The following PEX14 variants were observed in gnomAD, a reference collection of about 807,000 sequenced individuals.
The protein encoded by PEX14 is peroxisomal biogenesis factor 14, also known as peroxisomal membrane protein PEX14.
Under a neutral mutation model 49.5 loss-of-function variants are expected in PEX14, and 15 were observed. The observed-to-expected ratio is 0.30, with a 90% CI of 0.20 to 0.47. The LOEUF is 0.47. PEX14 is among the 20% of genes least tolerant of loss of function. The pLI is 1.00. For missense variants in PEX14, 398 were observed against 494.8 expected (o/e 0.80, Z 1.86); for synonymous variants, 210 against 212.7 (o/e 0.99, Z 0.11).
At chr1:10,626,263 G>T (rs1264907551) in intron 7 of PEX14, among the ~76,000 whole-genome samples, 1 of 152,184 alleles carries the variant, frequency 6.6e-6, no homozygotes, top group East Asian at 1.9e-4. Flanking sequence ...TGGAAATTGT[G>T]CCCTTGTTCA....
intron 2 of PEX14, among the ~76,000 whole-genome samples, chr1:10,505,846 A>T (rs1641773323): frequency 6.6e-6 from 1 of 151,394 alleles, no homozygotes; most frequent in Non-Finnish European, 1.5e-5. Flanking sequence ...ATGCCCAGCT[A>T]ATCTTTGTAT....
At chr1:10,490,756 C>T (rs1038871226) in intron 1 of PEX14, among the ~76,000 whole-genome samples, 2 of 145,154 alleles carry the variant, frequency 1.4e-5, no homozygotes, top group African/African-American at 5.2e-5. Flanking sequence ...GGCTGGAGTG[C>T]AGTGATGTGA....
intron 3 of PEX14, among the ~76,000 whole-genome samples, chr1:10,595,228 T>C (rs1640802634): frequency 6.6e-6 from 1 of 152,168 alleles, no homozygotes; most frequent in Non-Finnish European, 1.5e-5. Flanking sequence ...AATTGAGAGC[T>C]CTCAGTTTTG....
chr1:10,616,422 T>G (rs1641418531), intron 4 of PEX14, among the ~76,000 whole-genome samples: 2 of 152,196 alleles, frequency 1.3e-5, no homozygotes, highest in African/African-American at 4.8e-5. Flanking sequence ...GTCCTTCAGC[T>G]TCACTCGGCC....
At chr1:10,486,756 C>T (rs1443549656) in intron 1 of PEX14, among the ~76,000 whole-genome samples, 8 of 149,034 alleles carry the variant, frequency 5.4e-5, no homozygotes, top group South Asian at 2.1e-4. Context: ...GGCGCGATCT[C>T]GGCTCACTGC....
At chr1:10,560,663 G>A (rs1234349188) in intron 3 of PEX14, among the ~76,000 whole-genome samples, 2 of 150,364 alleles carry the variant, frequency 1.3e-5, no homozygotes, top group Non-Finnish European at 2.9e-5. Context: ...GAGCCACCAT[G>A]CCCAGCCTCC....
chr1:10,618,125 C>T (rs1214352170), intron 4 of PEX14, among the ~76,000 whole-genome samples: 1 of 152,192 alleles, frequency 6.6e-6, no homozygotes, highest in East Asian at 1.9e-4. Flanking sequence ...GACTGGCATC[C>T]CTTGTGTCCC....
intron 2 of PEX14, among the ~76,000 whole-genome samples, chr1:10,499,529 T>A (rs1446957366): frequency 1.2e-4 from 18 of 147,810 alleles, no homozygotes; most frequent in Non-Finnish European, 1.9e-4. Flanking sequence ...GCTCACTGCA[T>A]CCTCCACCTC....
intron 3 of PEX14, among the ~76,000 whole-genome samples, chr1:10,544,760 TTTTTTC>T (rs1639119384): frequency 1.3e-5 from 2 of 151,922 alleles, no homozygotes; most frequent in African/African-American, 4.8e-5. Context: ...TAGCCTTTTT[TTTTTTC>T]TTTTTCTTTT....
chr1:10,567,036 A>T (rs1639826176), intron 3 of PEX14, among the ~76,000 whole-genome samples: 1 of 152,218 alleles, frequency 6.6e-6, no homozygotes. Context: ...ACTCATCGCC[A>T]CTGTGGTAGC....
chr1:10,619,148 A>G (rs1641520485), intron 5 of PEX14, among the ~76,000 whole-genome samples: 1 of 152,162 alleles, frequency 6.6e-6, no homozygotes, highest in African/African-American at 2.4e-5. Flanking sequence ...AACTGCAGGC[A>G]TGACGTGAAC....
intron 3 of PEX14, among the ~76,000 whole-genome samples, chr1:10,595,208 G>A (rs1286733965): frequency 6.6e-6 from 1 of 152,206 alleles, no homozygotes; most frequent in Non-Finnish European, 1.5e-5. Context: ...CATTCAAAGA[G>A]TTTGGTTTGA....
intron 4 of PEX14, among the ~76,000 whole-genome samples, chr1:10,616,130 G>A (rs1411354398): frequency 6.6e-6 from 1 of 152,124 alleles, no homozygotes; most frequent in African/African-American, 2.4e-5. Flanking sequence ...AGGGACTCCA[G>A]GCCCCTCCAG....
chr1:10,598,283 C>T (rs1640884275), intron 3 of PEX14, among the ~76,000 whole-genome samples: 3 of 152,180 alleles, frequency 2.0e-5, no homozygotes, highest in South Asian at 2.1e-4. Context: ...GAGCTGGCCC[C>T]GTGTGACCGC....
At chr1:10,564,265 TTA>T (rs1246109120) in intron 3 of PEX14, among the ~76,000 whole-genome samples, 3 of 152,156 alleles carry the variant, frequency 2.0e-5, no homozygotes, top group Non-Finnish European at 2.9e-5. Flanking sequence ...TCCATGTTCT[TTA>T]TGTCTTTTGC....
chr1:10,511,341 C>CCCTT (rs1178011858), intron 2 of PEX14, among the ~76,000 whole-genome samples: 2 of 152,128 alleles, frequency 1.3e-5, no homozygotes, highest in Non-Finnish European at 2.9e-5. Flanking sequence ...CTCTGTCCCT[C>CCCTT]CCTTCCTTCC....
chr1:10,567,183 A>G (rs1639831268), intron 3 of PEX14, among the ~76,000 whole-genome samples: 1 of 152,234 alleles, frequency 6.6e-6, no homozygotes, highest in East Asian at 1.9e-4. Context: ...AAATGTAAAA[A>G]CCATTCTTAG....
rs1641902341 is a variant in PEX14 at position 10,630,731 on chromosome 1, G to C, written c.*744G>C. Reference sequence around the variant, plus strand: ...ACGGAAGATAGGACTGTATATAATTGTAATAAATACCAGTTGCCACTATTT... The same window carrying C: ...ACGGAAGATAGGACTGTATATAATTCTAATAAATACCAGTTGCCACTATTT... On this transcript the variant is annotated 3_prime_UTR_variant, in exon 9 of 9. Transcript: ENST00000356607. The surrounding 1 kb of genome is among the most constrained non-coding windows in gnomAD (Gnocchi z 4.1). The C allele has an allele frequency of 6.6e-6, 1 of 152,046 alleles. No homozygotes were observed. Among genetic ancestry groups the C allele is most frequent in the South Asian group, 2.1e-4 (1 of 4,814 alleles). The allele number at this position is 152,046 out of a possible 1,614,324, so 9.4% of individuals were successfully genotyped here.
At chr1:10,608,345 G>T (rs540840014) in intron 4 of PEX14, among the ~76,000 whole-genome samples, 2 of 152,082 alleles carry the variant, frequency 1.3e-5, no homozygotes, top group South Asian at 2.1e-4. Context: ...TATCTTATCC[G>T]CATTGAGTTA....
Sources: gnomAD v4.1 joint callset for allele counts (sites outside exome capture counted in the v4.1 genomes callset) on GRCh38, gnomAD v4.1.1 for gene constraint, Gnocchi (gnomAD v3.1) non-coding constraint, MANE v1.5 for transcripts, NCBI Gene and HGNC (gene_info 2026-07-23, HGNC 2026-07-21) for gene names.